The following LSR variants were observed in gnomAD, a reference collection of about 807,000 sequenced individuals.
LSR encodes lipolysis stimulated lipoprotein receptor, also known as lipolysis-stimulated lipoprotein receptor.
LSR carries 44 observed loss-of-function variants against 61.8 expected under a neutral mutation model. That is an observed-to-expected ratio of 0.71 (90% confidence interval 0.56 to 0.91). The LOEUF is 0.91. Ranked by LOEUF, LSR falls within the 40% of genes least tolerant of loss-of-function variation. The pLI is 0.00. For synonymous variants in LSR, 397 were observed against 350.6 expected, an observed-to-expected ratio of 1.13 and a Z score of -1.48; for missense variants, 911 against 830.5, an observed-to-expected ratio of 1.10 and a Z score of -1.19.
intron 3 of LSR, among the ~76,000 whole-genome samples, chr19:35,259,646 A>AG (rs1168222712): frequency 6.6e-6 from 1 of 152,024 alleles, no homozygotes; most frequent in African/African-American, 2.4e-5. Context: ...CAAAAAAAAA[A>AG]AAAATCCAGA....
intron 2 of LSR, among the ~76,000 whole-genome samples, chr19:35,251,939 A>G (rs2065798613): frequency 6.9e-6 from 1 of 145,688 alleles, no homozygotes; most frequent in Non-Finnish European, 1.5e-5. Flanking sequence ...GGTTCACGCC[A>G]TTCTCCTGCC....
Position 35,249,042 on chromosome 19 carries a change from G to T in LSR, c.20G>T (p.Gly7Val). 1 of 1,592,360 alleles carries T rather than the reference G, an allele frequency of 6.3e-7. No homozygotes were observed. Among genetic ancestry groups the T allele is most frequent in the East Asian group, 2.3e-5 (1 of 43,938 alleles). Residue 7 changes from glycine to valine, a missense_variant, in exon 1 of 10, where the codon GGG becomes GTG. Coordinates refer to ENST00000605618, the MANE Select transcript of LSR (RefSeq NM_205834.4). ...GCCGCGATGGCGCTGTTGGCCGGCG[G>T]GCTCTCCAGAGGGCTGGGCTCCCAC... is the stretch of plus-strand genomic sequence containing the variant. MALLAG[G>V]LSRGLGSHPA... is the part of the protein sequence containing the mutation.
chr19:35,262,566 G>T lies in LSR; in HGVS notation c.652G>T (p.Val218Leu). Residue 218 changes from valine (V) to leucine (L), a missense_variant, in exon 5 of 10, where the codon GTA (valine) becomes TTA (leucine). Coordinates refer to ENST00000605618, the MANE Select transcript of LSR (RefSeq NM_205834.4). ...TGCAGACTGGCTCTTCGTGGTTGTG[G>T]TATGCCTGGCTGCCTTCCTCATCTT... is the stretch of plus-strand genomic sequence containing the variant. The part of the protein sequence containing the change: ...PIEDWLFVVV[V>L]CLAAFLIFLL... 6.2e-7 allele frequency: 1 copy of T among 1,614,196 alleles called. No individual in the cohort carries two copies.
chr19:35,267,442 G>C lies in LSR; in HGVS notation c.1478G>C (p.Arg493Thr). ...RDDLYDQDDS[R>T]DFPRSRDPHY... Reference sequence around the variant, plus strand: ...GACCTCTATGACCAAGACGACTCGAGGGACTTCCCACGCTCCCGGGACCCC... The same window carrying C: ...GACCTCTATGACCAAGACGACTCGACGGACTTCCCACGCTCCCGGGACCCC... The change falls in exon 9 of 10, where the codon AGG becomes ACG. Residue 493 changes from arginine to threonine, a missense_variant. Transcript: ENST00000605618. The C allele has an allele frequency of 6.2e-7, 1 of 1,610,770 alleles. No individual in the cohort carries two copies. Among genetic ancestry groups the C allele is most frequent in the Non-Finnish European group, 8.5e-7 (1 of 1,179,446 alleles).
At chr19:35,249,259 G>A (rs1280252492) in intron 1 of LSR, 128 bp downstream of exon 1, 1 of 1,200,830 alleles carries the variant, frequency 8.3e-7, no homozygotes, top group Non-Finnish European at 1.1e-6. Context: ...GATCCCCTGG[G>A]TCTTGGGCGA....
intron 5 of LSR, chr19:35,264,860 C>T (rs1320743011): frequency 1.3e-5 from 2 of 152,200 alleles, no homozygotes; most frequent in African/African-American, 4.8e-5. Flanking sequence ...TATTCTACGT[C>T]TGTCAGCTGC....
intron 2 of LSR, chr19:35,253,718 T>G (rs1297933286): frequency 6.6e-6 from 1 of 152,308 alleles, no homozygotes; most frequent in Non-Finnish European, 1.5e-5. Context: ...AGCATCCTAC[T>G]GTTATTGAGG....
Position 35,250,655 on chromosome 19 carries a change from C to CG in LSR, c.452dup (p.Asn152LysfsTer3). ...ACCAGGGCCGGAGGATTACCATCAC[C>CG]GGAAGTATGTTGGGCAGGGCAGGGG... On this transcript the variant is annotated frameshift_variant, in exon 2 of 10. Coordinates refer to ENST00000605618, the MANE Select transcript of LSR (RefSeq NM_205834.4). LOFTEE classifies it high-confidence loss of function. 1 of 1,554,230 alleles carries CG rather than the reference C, an allele frequency of 6.4e-7. No individual in the cohort carries two copies. The highest frequency in any genetic ancestry group is 8.8e-7 in the Non-Finnish European group (1 of 1,142,774).
Position 35,266,709 on chromosome 19 carries a change from T to C in LSR, c.983T>C (p.Leu328Pro), listed in dbSNP as rs2145548166. The C allele has an allele frequency of 6.2e-7, 1 of 1,609,326 alleles. No homozygotes were observed. The highest frequency in any genetic ancestry group is 1.7e-4 in the Middle Eastern group (1 of 6,012). The change falls in exon 7 of 10, where the codon CTT becomes CCT. Residue 328 changes from leucine to proline, a missense_variant. Coordinates refer to ENST00000605618, the MANE Select transcript of LSR (RefSeq NM_205834.4). ...AGGQGSYVPL[L>P]RDTDSSVASE... ...GGCCAAGGCTCCTATGTACCCCTGC[T>C]TCGGGACACGGACAGCAGTGTGGCC... is the stretch of plus-strand genomic sequence containing the variant.
intron 2 of LSR, among the ~76,000 whole-genome samples, chr19:35,252,430 C>T (rs1330865371): frequency 6.6e-6 from 1 of 151,636 alleles, no homozygotes; most frequent in Non-Finnish European, 1.5e-5. Flanking sequence ...GGGTGGATCA[C>T]CTGAGGTCAG....
intron 2 of LSR, among the ~76,000 whole-genome samples, chr19:35,254,550 G>A (rs1169754893): frequency 2.6e-5 from 4 of 152,138 alleles, no homozygotes; most frequent in South Asian, 2.1e-4. Context: ...CCACCTCCTC[G>A]GGCTCCTTGG....
At chr19:35,256,233 C>CAA (rs201712887) in intron 2 of LSR, among the ~76,000 whole-genome samples, 8 of 102,710 alleles carry the variant, frequency 7.8e-5, no homozygotes, top group Admixed American at 9.8e-5. Context: ...GACTCCATCT[C>CAA]AAAAAAAAAA....
intron 2 of LSR, among the ~76,000 whole-genome samples, chr19:35,254,928 C>T (rs1209666740): frequency 6.6e-6 from 1 of 152,158 alleles, no homozygotes; most frequent in Non-Finnish European, 1.5e-5. Context: ...CTACAAGATG[C>T]CAGATTTCAA....
intron 1 of LSR, 89 bp from the exon 2 acceptor site, chr19:35,250,226 C>A: frequency 1.2e-6 from 1 of 824,164 alleles, no homozygotes; most frequent in Non-Finnish European, 1.9e-6. Flanking sequence ...CACATACTTG[C>A]GAGTGTCAAG....
chr19:35,254,792 C>T (rs369814184), intron 2 of LSR, among the ~76,000 whole-genome samples: 46 of 152,144 alleles, frequency 3.0e-4, no homozygotes, highest in Non-Finnish European at 2.1e-4. Context: ...GAACAGGGTA[C>T]GCCCTGCAGG....
At chr19:35,249,157 T>G (rs1321582189) in intron 1 of LSR, 26 bp downstream of exon 1, 1 of 1,516,176 alleles carries the variant, frequency 6.6e-7, no homozygotes, top group Non-Finnish European at 8.8e-7. Flanking sequence ...CCTCTGACGC[T>G]GCGGAACGCC....
chr19:35,267,619 CGGAGGAGA>C lies in LSR; in HGVS notation c.1664_1671del (p.Arg555ThrfsTer47), dbSNP rs1181003039. ...GAGGAGGCTGTGAGGAAGAAGGGGT[CGGAGGAGA>C]GGAGGAGACCCCACAAGGAGGAGGA... On this transcript the variant is annotated frameshift_variant, in exon 9 of 10. Coordinates refer to ENST00000605618, the MANE Select transcript of LSR (RefSeq NM_205834.4). LOFTEE classifies it high-confidence loss of function. 66 of 1,611,998 alleles carry C rather than the reference CGGAGGAGA, an allele frequency of 4.1e-5. No homozygotes were observed. The highest frequency in any genetic ancestry group is 5.2e-5 in the Non-Finnish European group (61 of 1,179,528).
intron 7 of LSR, 23 bp from the exon 8 acceptor site, chr19:35,266,813 G>A: frequency 1.2e-6 from 2 of 1,606,918 alleles, no homozygotes; most frequent in South Asian, 1.1e-5. Flanking sequence ...CTCCCAAACC[G>A]ACCACCACCC....
chr19:35,251,843 C>CTTTTTGTTTTTTTTTTTTTTTTTTTTTT (rs2065796168), intron 2 of LSR: 1 of 121,578 alleles, frequency 8.2e-6, no homozygotes, highest in African/African-American at 3.2e-5. Flanking sequence ...GAACCTTGTT[C>CTTTTTGTTTTTTTTTTTTTTTTTTTTTT]TTTTTTTTTG....
Sources: allele counts gnomAD v4.1 joint callset (sites outside exome capture counted in the v4.1 genomes callset), GRCh38; gene constraint gnomAD v4.1.1; transcripts MANE v1.5; gene names NCBI Gene and HGNC (gene_info 2026-07-23, HGNC 2026-07-21).